The following FILIP1L variants were observed in gnomAD, a reference collection of about 807,000 sequenced individuals.
The protein encoded by FILIP1L is filamin A interacting protein 1 like, also known as filamin A-interacting protein 1-like.
Under a neutral mutation model 96.6 loss-of-function variants are expected in FILIP1L, and 55 were observed. The observed-to-expected ratio is 0.57, with a 90% confidence interval of 0.46 to 0.71. The LOEUF is 0.71. FILIP1L is among the 30% of genes least tolerant of loss of function. FILIP1L has a pLI of 0.00. For synonymous variants in FILIP1L, 467 were observed against 473.9 expected, an observed-to-expected ratio of 0.99 and a Z score of 0.19; for missense variants, 1,304 against 1,321.2, an observed-to-expected ratio of 0.99 and a Z score of 0.20.
chr3:99,984,467 T>G (rs1490327851), intron 1 of FILIP1L, among the ~76,000 whole-genome samples: 2 of 152,208 alleles, frequency 1.3e-5, no homozygotes, highest in East Asian at 1.9e-4. Context: ...CTCTAAAGAT[T>G]TGTGAAATTC....
At chr3:99,888,779 C>G (rs756069089) in intron 4 of FILIP1L, among the ~76,000 whole-genome samples, 21 of 152,150 alleles carry the variant, frequency 1.4e-4, no homozygotes, top group Admixed American at 9.8e-4. Flanking sequence ...TTTGTTGATT[C>G]ATTTTGATGT....
In FILIP1L at chr3:99,876,740, GTGA is replaced by G. The variant is rs140820932; in HGVS notation, c.606-25673_606-25671del. Among the ~76,000 whole-genome samples the G allele has an allele frequency of 6.6e-5, 10 of 152,230 alleles. No homozygotes were observed. In the East Asian group the frequency reaches 1.7e-3, roughly 27 times the overall value. On this transcript the variant is annotated intron_variant, in intron 4 of 5. Transcript: ENST00000477258. ...ATGTAACTACCAAACAATTCTTCAA[GTGA>G]TGATGGAAAGGCCAGATGAAATCTT...
intron 1 of FILIP1L, among the ~76,000 whole-genome samples, chr3:100,099,817 A>G (rs1467069441): frequency 6.6e-6 from 1 of 152,152 alleles, no homozygotes; most frequent in East Asian, 1.9e-4. Context: ...TGAACCACTT[A>G]AGTATGGTAA....
chr3:99,895,335 G>A (rs981032376), intron 4 of FILIP1L, among the ~76,000 whole-genome samples: 1 of 150,952 alleles, frequency 6.6e-6, no homozygotes, highest in African/African-American at 2.4e-5. Flanking sequence ...AACTAGCTTT[G>A]CAGTTGGTCT....
intron 1 of FILIP1L, among the ~76,000 whole-genome samples, chr3:100,091,306 A>G (rs1038047486): frequency 3.3e-5 from 5 of 152,116 alleles, no homozygotes; most frequent in African/African-American, 1.2e-4. Flanking sequence ...AAAAAAAGAA[A>G]AAAGAAACCC....
intron 1 of FILIP1L, among the ~76,000 whole-genome samples, chr3:99,949,453 A>T (rs1279104594): frequency 6.6e-6 from 1 of 152,228 alleles, no homozygotes; most frequent in Non-Finnish European, 1.5e-5. Context: ...TGAGGAAGTC[A>T]GGAATGCATA....
chr3:100,113,429 C>T (rs2066523540), intron 1 of FILIP1L, among the ~76,000 whole-genome samples: 1 of 152,154 alleles, frequency 6.6e-6, no homozygotes, highest in Admixed American at 6.5e-5. Context: ...TAGGTATCTC[C>T]CAAGACCTGC....
intron 4 of FILIP1L, among the ~76,000 whole-genome samples, chr3:99,890,993 C>T (rs793466): frequency 0.27 from 40,278 of 151,828 alleles, 6,046 homozygotes; most frequent in Admixed American, 0.34. Context: ...TATTTTCAGC[C>T]TAAAATCTTT....
chr3:100,072,609 A>C (rs746738024), intron 1 of FILIP1L, among the ~76,000 whole-genome samples: 4 of 152,134 alleles, frequency 2.6e-5, no homozygotes, highest in Non-Finnish European at 5.9e-5. Context: ...CCCACCTCCA[A>C]TCCCCAGCTG....
intron 5 of FILIP1L, among the ~76,000 whole-genome samples, chr3:99,832,670 C>T (rs1277272854): frequency 1.1e-4 from 16 of 148,570 alleles, no homozygotes; most frequent in Admixed American, 8.0e-4. Context: ...CGGTGAAACC[C>T]TGTCTCTACT....
At chr3:100,112,703 T>C (rs554963380) in intron 1 of FILIP1L, among the ~76,000 whole-genome samples, 1 of 152,306 alleles carries the variant, frequency 6.6e-6, no homozygotes, top group East Asian at 1.9e-4. Flanking sequence ...CTTTGGGAAA[T>C]TACTGAGAAA....
At chr3:99,961,830 T>G (rs1708501573) in intron 1 of FILIP1L, among the ~76,000 whole-genome samples, 1 of 152,208 alleles carries the variant, frequency 6.6e-6, no homozygotes, top group African/African-American at 2.4e-5. Context: ...CCTATTTTCT[T>G]ATGTCATAGT....
In FILIP1L at chr3:99,850,276, A is replaced by AC; in HGVS notation, c.1399dup (p.Val467GlyfsTer10). ...AATGGCTTCTAGCTCTTTGATCCTT[A>AC]CTTTTAAACTCTCCAGTTCTTGAGA... On this transcript the variant is annotated frameshift_variant, in exon 5 of 6. Transcript: ENST00000477258. LOFTEE classifies it high-confidence loss of function. 6.2e-7 allele frequency: 1 copy of AC among 1,613,788 alleles called. No individual in the cohort carries two copies. Among genetic ancestry groups the AC allele is most frequent in the Non-Finnish European group, 8.5e-7 (1 of 1,179,972 alleles).
Position 99,923,466 on chromosome 3 carries a change from G to A in FILIP1L, c.605+764C>T, listed in dbSNP as rs540877134. Among the ~76,000 whole-genome samples the A allele has an allele frequency of 9.1e-4, 138 of 152,266 alleles. 1 individual carries two copies. Among genetic ancestry groups the A allele is most frequent in the South Asian group, 6.0e-3 (29 of 4,820 alleles). ...CCCATATTTCATATGTTCCTGAATA[G>A]CCAGGAGTGCTTCTCAGTAACTCCT... is the stretch of plus-strand genomic sequence containing the variant. On this transcript the variant is annotated intron_variant, in intron 4 of 5. Transcript: ENST00000477258.
At chr3:99,886,743 T>C (rs944041093) in intron 4 of FILIP1L, among the ~76,000 whole-genome samples, 3 of 151,500 alleles carry the variant, frequency 2.0e-5, no homozygotes, top group African/African-American at 7.3e-5. Flanking sequence ...CACTTGAGGT[T>C]AGGAGTTCGA....
At chr3:100,010,778 ATTTTTTTTTTT>A (rs11371196) in intron 1 of FILIP1L, among the ~76,000 whole-genome samples, 1 of 93,678 alleles carries the variant, frequency 1.1e-5, no homozygotes, top group African/African-American at 4.4e-5. Flanking sequence ...CCACGCCCGG[ATTTTTTTTTTT>A]TTTTTTTTTT....
At chr3:99,892,935 C>T (rs1706131384) in intron 4 of FILIP1L, among the ~76,000 whole-genome samples, 1 of 152,082 alleles carries the variant, frequency 6.6e-6, no homozygotes, top group Non-Finnish European at 1.5e-5. Context: ...TTTTTCTTCA[C>T]AAAGAAGATG....
intron 1 of FILIP1L, among the ~76,000 whole-genome samples, chr3:100,060,839 G>A (rs932629493): frequency 1.2e-4 from 18 of 152,080 alleles, no homozygotes. Context: ...TCCATCCTGG[G>A]CAATAGAGCC....
At chr3:100,015,399 C>A (rs537379894) in intron 1 of FILIP1L, among the ~76,000 whole-genome samples, 1 of 152,036 alleles carries the variant, frequency 6.6e-6, no homozygotes, top group Non-Finnish European at 1.5e-5. Flanking sequence ...TTTAGGATTG[C>A]TTTTTCTATT....
Sources: gnomAD v4.1 joint callset for allele counts (sites outside exome capture counted in the v4.1 genomes callset) on GRCh38, gnomAD v4.1.1 for gene constraint, MANE v1.5 for transcripts, NCBI Gene and HGNC (gene_info 2026-07-23, HGNC 2026-07-21) for gene names.